The following NCAPG2 variants were observed in gnomAD, a reference collection of about 807,000 sequenced individuals.
NCAPG2 encodes condensin-2 complex subunit G2.
A neutral mutation model predicts 141.1 loss-of-function variants in NCAPG2; 53 were observed. The observed-to-expected ratio is 0.38, with a 90% confidence interval of 0.30 to 0.47. The LOEUF is 0.47. Among genes scored for constraint, NCAPG2 ranks in the 20% least tolerant of loss-of-function variants. The pLI is 0.99. For missense variants in NCAPG2, 1,087 were observed against 1,389.0 expected, an observed-to-expected ratio of 0.78 and a Z score of 3.46; for synonymous variants, 499 against 490.7, an observed-to-expected ratio of 1.02 and a Z score of -0.22.
chr7:158,650,770 T>C, intron 24 of NCAPG2, 62 bp downstream of exon 24: 5 of 1,525,920 alleles, frequency 3.3e-6, no homozygotes, highest in Non-Finnish European at 4.4e-6. Flanking sequence ...GTACTGCTAG[T>C]AGAAACACCA....
At chr7:158,653,378 T>TAAAAA (rs1554553485) in intron 22 of NCAPG2, among the ~76,000 whole-genome samples, 1 of 38,144 alleles carries the variant, frequency 2.6e-5, no homozygotes. Flanking sequence ...AAAAAAAAAA[T>TAAAAA]AAAAAAAAAA....
intron 13 of NCAPG2, among the ~76,000 whole-genome samples, chr7:158,666,049 G>C (rs1160035028): frequency 6.6e-6 from 1 of 152,186 alleles, no homozygotes; most frequent in South Asian, 2.1e-4. Context: ...ACAGTGGACA[G>C]GGCCAAGGTT....
chr7:158,697,012 G>A (rs1835490551), intron 2 of NCAPG2, among the ~76,000 whole-genome samples: 1 of 152,240 alleles, frequency 6.6e-6, no homozygotes. Flanking sequence ...AATCACATTT[G>A]TGGTAATGTT....
At chr7:158,686,685 T>C (rs919635267) in intron 7 of NCAPG2, among the ~76,000 whole-genome samples, 3 of 152,158 alleles carry the variant, frequency 2.0e-5, no homozygotes, top group African/African-American at 4.8e-5. Context: ...AACTCAAATA[T>C]TCTGAAGATG....
At chr7:158,688,355 A>G (rs1834906189) in intron 6 of NCAPG2, among the ~76,000 whole-genome samples, 1 of 152,228 alleles carries the variant, frequency 6.6e-6, no homozygotes, top group South Asian at 2.1e-4. Flanking sequence ...TAGAGGTTAT[A>G]ACACATACAT....
At chr7:158,660,401 CTT>C (rs945928092) in intron 16 of NCAPG2, among the ~76,000 whole-genome samples, 16 of 72,822 alleles carry the variant, frequency 2.2e-4, no homozygotes, top group South Asian at 9.9e-4. Flanking sequence ...TTTCAGCTTT[CTT>C]TTTTTTTTTT....
intron 22 of NCAPG2, 61 bp downstream of exon 22, chr7:158,654,534 G>C: frequency 6.8e-7 from 1 of 1,472,036 alleles, no homozygotes; most frequent in Non-Finnish European, 9.4e-7. Flanking sequence ...CACAGTAAAG[G>C]AGGGAGGGAG....
At chr7:158,676,514 C>A (rs1834059887) in intron 11 of NCAPG2, among the ~76,000 whole-genome samples, 1 of 150,742 alleles carries the variant, frequency 6.6e-6, no homozygotes, top group South Asian at 2.1e-4. Context: ...GTTAATTTAT[C>A]TTTAGCTGTG....
intron 8 of NCAPG2, among the ~76,000 whole-genome samples, chr7:158,683,677 A>G (rs1302565795): frequency 6.6e-6 from 1 of 152,216 alleles, no homozygotes; most frequent in Non-Finnish European, 1.5e-5. Flanking sequence ...GGCTAGTTCA[A>G]ATCAGACAAA....
Position 158,655,412 on chromosome 7 carries a change from C to G in NCAPG2, c.2432G>C (p.Arg811Pro), listed in dbSNP as rs770422053. ...SLLQTPGGKP[R>P]GFSEAAAPRA... ...CGGGGCAGCTGCTTCACTGAAGCCA[C>G]GAGGCTTCCCACCCGGTGTCTGCAG... Residue 811 changes from arginine to proline, a missense_variant, in exon 20 of 28, where the codon CGT becomes CCT. Transcript: ENST00000356309. 3 of 1,614,078 alleles carry G rather than the reference C, an allele frequency of 1.9e-6. No homozygotes were observed. Among genetic ancestry groups the G allele is most frequent in the Non-Finnish European group, 2.5e-6 (3 of 1,180,016 alleles).
Position 158,689,869 on chromosome 7 carries a change from C to T in NCAPG2, c.622G>A (p.Asp208Asn). The T allele has an allele frequency of 6.3e-7, 1 of 1,599,772 alleles. No homozygotes were observed. Among genetic ancestry groups the T allele is most frequent in the East Asian group, 2.2e-5 (1 of 44,600 alleles). ...TTTATGAAGCACTCAAGTAACATATCTTTAATTTCTCCACTTTCCTCCAAA... is the reference window on the plus strand; with the variant it reads ...TTTATGAAGCACTCAAGTAACATATTTTTAATTTCTCCACTTTCCTCCAAA... ...YDLEESGEIK[D>N]MLLECFININ... Residue 208 changes from aspartate (D) to asparagine (N), a missense_variant, in exon 6 of 28, where the codon GAT (aspartate) becomes AAT (asparagine). Physicochemically the swap from Asp to Asn is conservative, Grantham distance 23 (BLOSUM62 1). Coordinates refer to ENST00000356309, the MANE Select transcript of NCAPG2 (RefSeq NM_017760.7).
At chr7:158,659,566 T>C (rs1412359844) in intron 16 of NCAPG2, among the ~76,000 whole-genome samples, 1 of 151,988 alleles carries the variant, frequency 6.6e-6, no homozygotes, top group African/African-American at 2.4e-5. Flanking sequence ...GCTTAGTAAA[T>C]TGCAGCTAAA....
chr7:158,704,510 C>T (rs1379320072), intron 1 of NCAPG2, among the ~76,000 whole-genome samples: 1 of 152,174 alleles, frequency 6.6e-6, no homozygotes, highest in Non-Finnish European at 1.5e-5. Context: ...ACAAGAAGGA[C>T]GGGCGTCGCT....
chr7:158,674,148 C>T (rs1479073270), intron 12 of NCAPG2, among the ~76,000 whole-genome samples: 2 of 152,224 alleles, frequency 1.3e-5, no homozygotes, highest in African/African-American at 4.8e-5. Flanking sequence ...CAAACACAGA[C>T]ATGCTCCTCA....
intron 13 of NCAPG2, among the ~76,000 whole-genome samples, chr7:158,666,388 C>T (rs746115170): frequency 6.6e-6 from 1 of 152,062 alleles, no homozygotes. Context: ...CTGTTGGCAA[C>T]CAACCTGTCT....
intron 1 of NCAPG2, among the ~76,000 whole-genome samples, chr7:158,704,501 C>G (rs1013816695): frequency 1.3e-5 from 2 of 152,318 alleles, no homozygotes; most frequent in South Asian, 4.1e-4. Flanking sequence ...CCGACACGGA[C>G]AAGAAGGACG....
At chr7:158,644,416 A>G (rs773215649) in intron 26 of NCAPG2, 28 bp from the exon 27 acceptor site, 34 of 1,573,992 alleles carry the variant, frequency 2.2e-5, no homozygotes, top group Non-Finnish European at 2.6e-5. Flanking sequence ...AAAGACAGAA[A>G]AGACTTTAAC....
chr7:158,688,524 G>A (rs1448963148), intron 6 of NCAPG2, among the ~76,000 whole-genome samples: 2 of 152,172 alleles, frequency 1.3e-5, no homozygotes, highest in Non-Finnish European at 2.9e-5. Context: ...CATGTGTGGG[G>A]CACAGGCTGT....
chr7:158,690,696 C>T lies in NCAPG2; in HGVS notation c.409G>A (p.Glu137Lys), dbSNP rs1835061338. Residue 137 changes from glutamate (E) to lysine (K), a missense_variant, in exon 5 of 28, where the codon GAA (glutamate) becomes AAA (lysine). Glu to Lys is a moderately conservative substitution (Grantham distance 56). Coordinates refer to ENST00000356309, the MANE Select transcript of NCAPG2 (RefSeq NM_017760.7). ...NGILYALPESERKLQSSIQDL... is the reference protein window; with the variant it reads ...NGILYALPESKRKLQSSIQDL... ...TGAATAGAACTCTGTAGTTTTCGTTCAGACTCAGGTAATGCATATAAAATA... is the reference window on the plus strand; with the variant it reads ...TGAATAGAACTCTGTAGTTTTCGTTTAGACTCAGGTAATGCATATAAAATA... 1 of 1,614,094 alleles carries T rather than the reference C, an allele frequency of 6.2e-7. No individual in the cohort carries two copies.
Sources: allele counts gnomAD v4.1 joint callset (sites outside exome capture counted in the v4.1 genomes callset), GRCh38; gene constraint gnomAD v4.1.1; transcripts MANE v1.5; gene names NCBI Gene and HGNC (gene_info 2026-07-23, HGNC 2026-07-21).